Variants in STX7 observed in about 807,000 individuals in gnomAD.
The protein encoded by STX7 is syntaxin-7.
Under a neutral mutation model 39.6 loss-of-function variants are expected in STX7, and 34 were observed. The ratio of observed to expected loss-of-function variants is 0.86; its 90% confidence interval spans 0.65 to 1.14. STX7 has a LOEUF of 1.14. Among genes scored for constraint, STX7 ranks in the 50% most tolerant of loss-of-function variants. The probability of loss-of-function intolerance (pLI) is 0.00; values close to 1 mark genes in which losing one functional copy is unlikely to be tolerated. For missense variants in STX7, 284 were observed against 310.4 expected, an observed-to-expected ratio of 0.92 and a Z score of 0.64; for synonymous variants, 119 against 99.1, an observed-to-expected ratio of 1.20 and a Z score of -1.19.
chr6:132,498,992 T>C (rs560655987), intron 2 of STX7, among the ~76,000 whole-genome samples: 2 of 152,316 alleles, frequency 1.3e-5, no homozygotes, highest in African/African-American at 4.8e-5. Flanking sequence ...CTCTATCTGA[T>C]GACCTTGCTT....
intron 1 of STX7, among the ~76,000 whole-genome samples, chr6:132,503,825 A>G (rs986309901): frequency 5.3e-5 from 8 of 151,988 alleles, no homozygotes; most frequent in African/African-American, 1.7e-4. Flanking sequence ...CAAATTGCAT[A>G]TTTCCTTTGA....
chr6:132,495,649 A>G (rs1390525280), intron 2 of STX7, among the ~76,000 whole-genome samples: 1 of 149,774 alleles, frequency 6.7e-6, no homozygotes, highest in East Asian at 1.9e-4. Flanking sequence ...CCTGGCACCA[A>G]AAAAAAAAGT....
rs1436560084 is a variant in STX7, at chr6:132,451,612, G to A, written c.*9146C>T. ...GGAAATGATAAATGAAGGAGTTTTG[G>A]AATATCAGACATCAAAAGTCTAACA... is the stretch of plus-strand genomic sequence containing the variant. On this transcript the variant is annotated 3_prime_UTR_variant, in exon 10 of 10. Transcript: ENST00000367941. 3.3e-5 allele frequency: 5 copies of A among 152,028 alleles called. No individual in the cohort carries two copies. The highest frequency in any genetic ancestry group is 9.7e-5 in the African/African-American group (4 of 41,386). The allele number at this position is 152,028 out of a possible 1,614,324, so 9.4% of individuals were successfully genotyped here. A position where few individuals can be genotyped will look rare whatever the true frequency, so the allele number is the denominator to read the frequency against.
Position 132,486,648 on chromosome 6 carries a change from T to C in STX7, c.86-10986A>G, listed in dbSNP as rs147062953. Reference sequence around the variant, plus strand: ...TATGTCATGAGATGAAATGGATGTGTAGTGTTTTTTTCTGGGTTTTTTTTT... The same window carrying C: ...TATGTCATGAGATGAAATGGATGTGCAGTGTTTTTTTCTGGGTTTTTTTTT... On this transcript the variant is annotated intron_variant, in intron 2 of 9. Transcript: ENST00000367941. Among the ~76,000 whole-genome samples, 126 of 150,476 alleles carry C rather than the reference T, an allele frequency of 8.4e-4. 1 individual carries two copies. The highest frequency in any genetic ancestry group is 3.4e-3 in the Middle Eastern group (1 of 294).
intron 9 of STX7, among the ~76,000 whole-genome samples, chr6:132,462,618 TG>T (rs1774441009): frequency 1.3e-5 from 2 of 151,516 alleles, no homozygotes; most frequent in African/African-American, 4.9e-5. Context: ...TGTGTGTGTG[TG>T]TGTTTTCAAT....
intron 2 of STX7, among the ~76,000 whole-genome samples, chr6:132,501,778 T>C (rs999106260): frequency 2.0e-5 from 3 of 152,028 alleles, no homozygotes; most frequent in African/African-American, 7.2e-5. Flanking sequence ...ATTTTCCACA[T>C]ATGTAATTAG....
intron 1 of STX7, among the ~76,000 whole-genome samples, chr6:132,511,492 A>G (rs1775846061): frequency 6.6e-6 from 1 of 152,202 alleles, no homozygotes; most frequent in African/African-American, 2.4e-5. Flanking sequence ...ATCACTGTTT[A>G]TTATTTATCC....
At chr6:132,502,317 G>A (rs780539997) in intron 2 of STX7, among the ~76,000 whole-genome samples, 1 of 152,184 alleles carries the variant, frequency 6.6e-6, no homozygotes, top group Non-Finnish European at 1.5e-5. Flanking sequence ...GAATAGCCTT[G>A]TAAGGAACTA....
chr6:132,498,276 ATATT>A, intron 2 of STX7, among the ~76,000 whole-genome samples: 1 of 152,054 alleles, frequency 6.6e-6, no homozygotes, highest in Non-Finnish European at 1.5e-5. Flanking sequence ...AGCATTTACA[ATATT>A]TAAATATTTT....
At chr6:132,487,864 T>C (rs1014495225) in intron 2 of STX7, among the ~76,000 whole-genome samples, 7 of 152,268 alleles carry the variant, frequency 4.6e-5, no homozygotes, top group African/African-American at 1.4e-4. Context: ...CTCAAAGAAA[T>C]AGCTTTTGGT....
chr6:132,463,067 C>T (rs572881653), intron 9 of STX7, among the ~76,000 whole-genome samples: 1 of 152,000 alleles, frequency 6.6e-6, no homozygotes, highest in South Asian at 2.1e-4. Context: ...ACAAAAAATA[C>T]AAAAATTAGC....
intron 2 of STX7, among the ~76,000 whole-genome samples, chr6:132,484,192 A>G (rs1047293325): frequency 1.5e-4 from 23 of 152,316 alleles, no homozygotes; most frequent in African/African-American, 4.8e-4. Flanking sequence ...ACGTGACTTC[A>G]AAGAGTATGT....
chr6:132,460,531 G>T lies in STX7; in HGVS notation c.*227C>A. The T allele has an allele frequency of 2.8e-6, 1 of 356,534 alleles. No homozygotes were observed. Among genetic ancestry groups the T allele is most frequent in the Non-Finnish European group, 5.0e-6 (1 of 198,474 alleles). The allele number at this position is 356,534 out of a possible 1,614,324, so 22.1% of individuals were successfully genotyped here. Reference sequence around the variant, plus strand: ...GCAAAAACTTAACAACTATTAAATTGAAGACCAAGGGAGTTATGTCAGCAG... The same window carrying T: ...GCAAAAACTTAACAACTATTAAATTTAAGACCAAGGGAGTTATGTCAGCAG... On this transcript the variant is annotated 3_prime_UTR_variant, in exon 10 of 10. Coordinates refer to ENST00000367941, the MANE Select transcript of STX7 (RefSeq NM_003569.3).
In STX7 at chr6:132,454,540, G is replaced by C. The variant is rs1323114306; in HGVS notation, c.*6218C>G. On this transcript the variant is annotated 3_prime_UTR_variant, in exon 10 of 10. Transcript: ENST00000367941. ...CTCAAAAGTTTAGTTAAAAATACTA[G>C]CATTAAACATATTTTATACTTTATA... The C allele has an allele frequency of 6.6e-6, 1 of 152,166 alleles. No homozygotes were observed. The highest frequency in any genetic ancestry group is 6.5e-5 in the Admixed American group (1 of 15,282). 9.4% of individuals were successfully genotyped at this position (152,166 alleles called of 1,614,324 possible).
chr6:132,497,820 G>A (rs571252698), intron 2 of STX7, among the ~76,000 whole-genome samples: 1 of 152,292 alleles, frequency 6.6e-6, no homozygotes, highest in South Asian at 2.1e-4. Context: ...AGAAAATATG[G>A]AGAAATGATA....
At chr6:132,472,551 G>A (rs1451410298) in intron 3 of STX7, among the ~76,000 whole-genome samples, 176 bp from the exon 4 acceptor site, 2 of 152,102 alleles carry the variant, frequency 1.3e-5, no homozygotes, top group African/African-American at 2.4e-5. Context: ...TAAATAATGA[G>A]CAAATATTAT....
chr6:132,512,444 A>T (rs988866946), intron 1 of STX7, among the ~76,000 whole-genome samples: 1 of 152,230 alleles, frequency 6.6e-6, no homozygotes, highest in South Asian at 2.1e-4. Flanking sequence ...AAAGGTGTAT[A>T]CTCAAAGAAT....
intron 1 of STX7, among the ~76,000 whole-genome samples, chr6:132,508,470 G>A (rs1191518897): frequency 6.6e-6 from 1 of 152,170 alleles, no homozygotes; most frequent in Non-Finnish European, 1.5e-5. Context: ...ACCCAAAGAG[G>A]TGCTACTTAG....
Position 132,470,710 on chromosome 6 carries a change from T to A in STX7, c.388-84A>T, listed in dbSNP as rs987216137. Reference sequence around the variant, plus strand: ...AAATAAACACTCATATTTTCCCTTATAATAAACTAAACTGATTTATGTACG... The same window carrying A: ...AAATAAACACTCATATTTTCCCTTAAAATAAACTAAACTGATTTATGTACG... On this transcript the variant is annotated intron_variant, in intron 5 of 9. Coordinates refer to ENST00000367941, the MANE Select transcript of STX7 (RefSeq NM_003569.3). The A allele has an allele frequency of 1.1e-4, 98 of 928,940 alleles. 3 individuals carry two copies. Among genetic ancestry groups the A allele is most frequent in the Non-Finnish European group, 1.0e-5 (6 of 576,150 alleles). 57.5% of individuals were successfully genotyped at this position (928,940 alleles called of 1,614,324 possible). A position where few individuals can be genotyped will look rare whatever the true frequency, so the allele number is the denominator to read the frequency against.
Sources: gnomAD v4.1 joint callset for allele counts (sites outside exome capture counted in the v4.1 genomes callset) on GRCh38, gnomAD v4.1.1 for gene constraint, MANE v1.5 for transcripts, NCBI Gene and HGNC (gene_info 2026-07-23, HGNC 2026-07-21) for gene names.